The following TNS1 variants were observed in gnomAD, a reference collection of about 807,000 sequenced individuals.
TNS1 encodes the protein tensin-1.
A neutral mutation model predicts 168.6 loss-of-function variants in TNS1; 62 were observed. That is an observed-to-expected ratio of 0.37 (90% CI 0.30 to 0.45). The LOEUF (loss-of-function observed/expected upper bound fraction) is 0.45. Ranked by LOEUF, TNS1 falls within the 20% of genes least tolerant of loss-of-function variation. TNS1 has a pLI of 1.00. For synonymous variants in TNS1, 934 were observed against 933.2 expected, an observed-to-expected ratio of 1.00 and a Z score of -0.02; for missense variants, 2,240 against 2,339.4, an observed-to-expected ratio of 0.96 and a Z score of 0.88.
At chr2:217,899,282 T>G (rs1952672423) in intron 7 of TNS1, among the ~76,000 whole-genome samples, 3 of 152,174 alleles carry the variant, frequency 2.0e-5, no homozygotes, top group Admixed American at 2.0e-4. Context: ...GAGCCCGGTT[T>G]GAGTTTGACT....
In TNS1 at chr2:217,818,033, C is replaced by T. The variant is rs774586706; in HGVS notation, c.4299G>A (p.Pro1433=). 5.4e-5 allele frequency: 87 copies of T among 1,601,394 alleles called. No homozygotes were observed. The highest frequency in any genetic ancestry group is 6.7e-5 in the Non-Finnish European group (79 of 1,174,150). The change falls in exon 24 of 33, where the codon CCG becomes CCA. Residue 1433 remains proline, a synonymous_variant. Coordinates refer to ENST00000682258, the MANE Select transcript of TNS1 (RefSeq NM_001387777.1). ...GGGACAGTGTGGGTCTCCGATCCTC[C>T]GGGGTAGAATAGCCACCATAGGCCA... is the stretch of plus-strand genomic sequence containing the variant. ...RHVAYGGYST[P]EDRRPTLSRQ...
intron 18 of TNS1, among the ~76,000 whole-genome samples, chr2:217,862,410 C>T (rs1478367467): frequency 6.6e-6 from 1 of 152,054 alleles, no homozygotes; most frequent in Admixed American, 6.5e-5. Context: ...AGCCCAGTAT[C>T]CCCTGTACCC....
chr2:217,979,899 G>T (rs569171991), intron 2 of TNS1, among the ~76,000 whole-genome samples: 7 of 151,944 alleles, frequency 4.6e-5, no homozygotes, highest in Non-Finnish European at 8.8e-5. Context: ...TGGATCTATT[G>T]CACCCCACCC....
At chr2:217,865,620 G>A (rs1949204823) in intron 18 of TNS1, among the ~76,000 whole-genome samples, 1 of 152,280 alleles carries the variant, frequency 6.6e-6, no homozygotes, top group East Asian at 1.9e-4. Flanking sequence ...GGCATCGACT[G>A]GCTGTAAAGA....
chr2:218,032,727 C>T lies in TNS1; in HGVS notation c.156+1093G>A, dbSNP rs1034043930. Among the ~76,000 whole-genome samples, 1 of 152,166 alleles carries T rather than the reference C, an allele frequency of 6.6e-6. No homozygotes were observed. Among genetic ancestry groups the T allele is most frequent in the Non-Finnish European group, 1.5e-5 (1 of 68,018 alleles). The stretch of plus-strand genomic sequence containing the variant: ...CCTAAACCCCTGAAGGGGGGAGCCC[C>T]GAGCAGCAGCAACCCTCACTGGAGC... On this transcript the variant is annotated intron_variant, in intron 1 of 1. Coordinates refer to the TNS1 transcript ENST00000649572. The surrounding 1 kb of genome is among the most constrained non-coding windows in gnomAD (Gnocchi z 4.0).
At chr2:217,934,322 C>T (rs1418563276) in intron 3 of TNS1, among the ~76,000 whole-genome samples, 1 of 152,182 alleles carries the variant, frequency 6.6e-6, no homozygotes, top group Non-Finnish European at 1.5e-5. Flanking sequence ...TGGCACCCTG[C>T]TGGCCGGGAC....
At chr2:217,893,283 C>A (rs2125710510) in intron 10 of TNS1, among the ~76,000 whole-genome samples, 156 bp downstream of exon 10, 1 of 152,302 alleles carries the variant, frequency 6.6e-6, no homozygotes, top group South Asian at 2.1e-4. Flanking sequence ...CTATTATCCC[C>A]TAGAAAGAAA....
chr2:217,941,184 C>T (rs1956892011), intron 3 of TNS1, among the ~76,000 whole-genome samples: 1 of 152,202 alleles, frequency 6.6e-6, no homozygotes, highest in Non-Finnish European at 1.5e-5. Context: ...GCTAGGGAGG[C>T]CTGTTTTGGG....
intron 2 of TNS1, among the ~76,000 whole-genome samples, chr2:217,979,528 G>GAC (rs35499293): frequency 0.33 from 48,121 of 146,638 alleles, 8,625 homozygotes; most frequent in East Asian, 0.58. Flanking sequence ...GAAACACACA[G>GAC]ACACACACAC....
intron 19 of TNS1, among the ~76,000 whole-genome samples, chr2:217,844,756 G>A (rs1021689656): frequency 4.6e-5 from 7 of 151,944 alleles, no homozygotes; most frequent in Non-Finnish European, 1.0e-4. Flanking sequence ...TTAAACTCTA[G>A]ACTCCTTAAG....
rs1024592279 is a variant in TNS1, at chr2:217,956,805, G to A, written c.186+21960C>T. ...CTTTCCCAGAGGTGCCTTGGATCCT[G>A]GGGAGATTGCTGGGAAGAGGACCTA... On this transcript the variant is annotated intron_variant, in intron 3 of 32. Coordinates refer to ENST00000682258, the MANE Select transcript of TNS1 (RefSeq NM_001387777.1). Among the ~76,000 whole-genome samples the A allele has an allele frequency of 2.0e-5, 3 of 152,186 alleles. No homozygotes were observed. In the East Asian group the frequency reaches 5.8e-4, roughly 29 times the overall value.
intron 3 of TNS1, among the ~76,000 whole-genome samples, chr2:217,958,211 A>G (rs1957412108): frequency 6.6e-6 from 1 of 152,204 alleles, no homozygotes; most frequent in Non-Finnish European, 1.5e-5. Flanking sequence ...AAAAAAGCAA[A>G]CTGGGTTTTT....
intron 18 of TNS1, 151 bp from the exon 19 acceptor site, chr2:217,849,238 G>A: frequency 1.0e-6 from 1 of 966,764 alleles, no homozygotes; most frequent in South Asian, 1.7e-5. Flanking sequence ...GGGAAAAGGG[G>A]AGCTGACAGA....
At chr2:217,857,723 G>C (rs1948318474) in intron 18 of TNS1, among the ~76,000 whole-genome samples, 1 of 152,202 alleles carries the variant, frequency 6.6e-6, no homozygotes. Flanking sequence ...GCCCACGCCT[G>C]CAGGGCAAAT....
chr2:217,946,877 A>G (rs1957118602), intron 3 of TNS1, among the ~76,000 whole-genome samples: 1 of 151,224 alleles, frequency 6.6e-6, no homozygotes. Flanking sequence ...CCTTAATTCT[A>G]AGAGCTGTCC....
At chr2:217,905,608 C>T (rs1453101540) in intron 6 of TNS1, 2 of 253,880 alleles carry the variant, frequency 7.9e-6, no homozygotes, top group Admixed American at 1.0e-4. Context: ...CTCTGCAGCC[C>T]AGGGCGGGTG....
chr2:217,838,245 G>T (rs926431921), intron 19 of TNS1, among the ~76,000 whole-genome samples: 7 of 152,204 alleles, frequency 4.6e-5, no homozygotes, highest in African/African-American at 1.4e-4. Flanking sequence ...TTAAAAAATA[G>T]ATCTGTTTGC....
At chr2:217,804,735 A>C in intron 32 of TNS1, 132 bp from the exon 33 acceptor site, 1 of 1,161,386 alleles carries the variant, frequency 8.6e-7, no homozygotes, top group Non-Finnish European at 1.2e-6. Flanking sequence ...CCTCAGCATC[A>C]GGGACTCAGA....
intron 3 of TNS1, among the ~76,000 whole-genome samples, chr2:217,946,287 G>A (rs1321951964): frequency 2.0e-5 from 3 of 152,092 alleles, no homozygotes; most frequent in Non-Finnish European, 4.4e-5. Flanking sequence ...GCTCACTAAC[G>A]CCCTGACATG....
Sources: gnomAD v4.1 joint callset for allele counts (sites outside exome capture counted in the v4.1 genomes callset) on GRCh38, gnomAD v4.1.1 for gene constraint, Gnocchi (gnomAD v3.1) non-coding constraint, MANE v1.5 for transcripts, NCBI Gene and HGNC (gene_info 2026-07-23, HGNC 2026-07-21) for gene names.